IL12RB1: variants seen among roughly 807,000 people sequenced by gnomAD.
IL12RB1 encodes the protein interleukin-12 receptor subunit beta-1.
IL12RB1 carries 64 observed loss-of-function variants against 94.4 expected under a neutral mutation model. The ratio of observed to expected loss-of-function variants is 0.68; its 90% confidence interval spans 0.55 to 0.83. IL12RB1 has a LOEUF of 0.83. Ranked by LOEUF, IL12RB1 falls within the 40% of genes least tolerant of loss-of-function variation. IL12RB1 has a pLI of 0.00. For synonymous variants in IL12RB1, 362 were observed against 355.5 expected, an observed-to-expected ratio of 1.02 and a Z score of -0.21; for missense variants, 814 against 855.6, an observed-to-expected ratio of 0.95 and a Z score of 0.61.
At chr19:18,085,978 G>A (rs1304943390) in intron 1 of IL12RB1, among the ~76,000 whole-genome samples, 1 of 152,018 alleles carries the variant, frequency 6.6e-6, no homozygotes, top group Non-Finnish European at 1.5e-5. Context: ...CACTTTGGGA[G>A]GCCAAGGTGA....
At chr19:18,083,908 C>A (rs1260224828) in intron 1 of IL12RB1, among the ~76,000 whole-genome samples, 1 of 151,266 alleles carries the variant, frequency 6.6e-6, no homozygotes, top group Non-Finnish European at 1.5e-5. Context: ...TTCATCCATC[C>A]ACCCATCTAT....
intron 2 of IL12RB1, 40 bp from the exon 3 acceptor site, chr19:18,082,304 T>C: frequency 1.6e-6 from 2 of 1,217,474 alleles, no homozygotes; most frequent in South Asian, 2.5e-5. Context: ...GACCAGAGTC[T>C]GGAGGGGTCT....
intron 11 of IL12RB1, among the ~76,000 whole-genome samples, chr19:18,067,268 G>A (rs1345430523): frequency 6.9e-6 from 1 of 145,626 alleles, no homozygotes; most frequent in East Asian, 2.1e-4. Context: ...AGGTTTCAGT[G>A]AGCCAAGATC....
intron 1 of IL12RB1, chr19:18,097,948 G>A (rs1307091310): frequency 1.2e-6 from 1 of 809,502 alleles, no homozygotes; most frequent in Admixed American, 4.5e-5. Context: ...GGCAGAGGGT[G>A]GGGAACGCTC....
intron 1 of IL12RB1, among the ~76,000 whole-genome samples, chr19:18,095,871 T>TG (rs2036869107): frequency 6.6e-6 from 1 of 151,716 alleles, no homozygotes; most frequent in African/African-American, 2.4e-5. Context: ...CACTGTACAG[T>TG]GGGGCAGCCG....
rs377132852 is a variant in IL12RB1 at position 18,086,522 on chromosome 19, T to C, written c.64+238A>G. 8.5e-5 allele frequency among the ~76,000 whole-genome samples: 13 copies of C among 152,268 alleles called. 1 individual carries two copies. The East Asian group carries it at 1.5e-3, about 18-fold the overall frequency. ...ATTCCTTCCTTAGTTTTTTTTCTCATTGAACTCCGGGAGGTGGAAAAAATT... is the reference window on the plus strand; with the variant it reads ...ATTCCTTCCTTAGTTTTTTTTCTCACTGAACTCCGGGAGGTGGAAAAAATT... On this transcript the variant is annotated intron_variant, in intron 1 of 16. Coordinates refer to ENST00000593993, the MANE Select transcript of IL12RB1 (RefSeq NM_005535.3).
At chr19:18,061,292 G>A (rs529163601) in intron 14 of IL12RB1, 95 bp from the exon 15 acceptor site, 47 of 630,656 alleles carry the variant, frequency 7.5e-5, no homozygotes, top group Admixed American at 3.0e-4. Flanking sequence ...GTGCAGTGGC[G>A]CGATCTCGGC....
At chr19:18,076,478 T>C (rs916661206) in intron 5 of IL12RB1, 151 bp from the exon 6 acceptor site, 3 of 680,760 alleles carry the variant, frequency 4.4e-6, no homozygotes, top group Non-Finnish European at 8.1e-6. Context: ...TCATGGCTTA[T>C]TGAAGCCTCA....
chr19:18,089,156 G>A (rs1010121521), upstream of IL12RB1, among the ~76,000 whole-genome samples: 1 of 151,902 alleles, frequency 6.6e-6, no homozygotes, highest in African/African-American at 2.4e-5. Context: ...CAAATGTACA[G>A]AGGCAGACAG....
intron 4 of IL12RB1, among the ~76,000 whole-genome samples, chr19:18,078,306 C>T (rs189447173): frequency 4.1e-4 from 62 of 152,192 alleles, no homozygotes; most frequent in Admixed American, 4.1e-3. Context: ...ACTTGGGAGC[C>T]TGAGGCAGGA....
chr19:18,085,753 T>A (rs1422994746), intron 1 of IL12RB1, among the ~76,000 whole-genome samples: 1 of 151,880 alleles, frequency 6.6e-6, no homozygotes, highest in Non-Finnish European at 1.5e-5. Context: ...GGAGTACAGG[T>A]GCCCATCATC....
rs778430238 is a variant in IL12RB1, at chr19:18,063,877, G to A, written c.1617C>T (p.Ile539=). The A allele has an allele frequency of 2.2e-5, 36 of 1,612,768 alleles. No homozygotes were observed. Among genetic ancestry groups the A allele is most frequent in the Middle Eastern group, 3.3e-4 (2 of 6,068 alleles). ...CTGGGTCCTACCCCCTCCACTCACC[G>A]ATGCTGAAGCGCTGGGGCTGGCTCC... ...GVWSQPQRFS[I]EVQVSDWLIF... is the part of the protein sequence containing the mutation. The change falls in exon 13 of 17, where the codon ATC becomes ATT. Residue 539 remains isoleucine, a splice_region_variant and synonymous_variant. Transcript: ENST00000593993.
chr19:18,072,188 G>A lies in IL12RB1; in HGVS notation c.945C>T (p.Asn315=), dbSNP rs568768292. 27 of 1,614,006 alleles carry A rather than the reference G, an allele frequency of 1.7e-5. No individual in the cohort carries two copies. The highest frequency in any genetic ancestry group is 1.6e-4 in the Middle Eastern group (1 of 6,084). The change falls in exon 9 of 17, where the codon AAC becomes AAT. Residue 315 remains asparagine, a synonymous_variant. Transcript: ENST00000593993. Reference sequence around the variant, plus strand: ...ATTGGTTCGAGGAGATGACAGCCACGTTGTAGGCAGCACCCGAGAGATAGG... The same window carrying A: ...ATTGGTTCGAGGAGATGACAGCCACATTGTAGGCAGCACCCGAGAGATAGG... ...KMPYLSGAAY[N]VAVISSNQFG... is the part of the protein sequence containing the mutation.
chr19:18,093,281 G>A (rs569242398), intron 1 of IL12RB1, among the ~76,000 whole-genome samples: 6 of 151,286 alleles, frequency 4.0e-5, no homozygotes, highest in African/African-American at 1.2e-4. Context: ...ACTTCAGCCT[G>A]GCCAACAGAG....
intron 1 of IL12RB1, among the ~76,000 whole-genome samples, chr19:18,094,302 T>C (rs115702915): frequency 1.4e-3 from 220 of 152,248 alleles, no homozygotes; most frequent in African/African-American, 5.0e-3. Context: ...TTAATTTTTG[T>C]AGTTTTAGTA....
intron 5 of IL12RB1, 123 bp downstream of exon 5, chr19:18,077,393 C>T: frequency 1.3e-6 from 1 of 783,430 alleles, no homozygotes; most frequent in South Asian, 1.5e-5. Flanking sequence ...AAAAAACCAC[C>T]TCAGGGGCTA....
At chr19:18,087,080 AGTCAGG>A (rs2036398292), upstream of IL12RB1, 1 of 677,056 alleles carries the variant, frequency 1.5e-6, no homozygotes, top group Non-Finnish European at 2.4e-6. Flanking sequence ...CTTTGGAGCA[AGTCAGG>A]GTTCTAGGGG....
At chr19:18,085,860 T>C (rs1213018777) in intron 1 of IL12RB1, among the ~76,000 whole-genome samples, 1 of 151,274 alleles carries the variant, frequency 6.6e-6, no homozygotes, top group African/African-American at 2.4e-5. Context: ...CCACCCATCT[T>C]GGCCTCCCAT....
intron 12 of IL12RB1, among the ~76,000 whole-genome samples, chr19:18,064,377 G>A (rs1480234910): frequency 6.6e-6 from 1 of 151,626 alleles, no homozygotes; most frequent in Admixed American, 6.6e-5. Context: ...CTGACCTCGT[G>A]ATCTGCCCAC....
Sources: gnomAD v4.1 joint callset for allele counts (sites outside exome capture counted in the v4.1 genomes callset) on GRCh38, gnomAD v4.1.1 for gene constraint, MANE v1.5 for transcripts, NCBI Gene and HGNC (gene_info 2026-07-23, HGNC 2026-07-21) for gene names.